Variants in ZNF385D observed in about 807,000 individuals in gnomAD.
ZNF385D encodes the protein zinc finger protein 385D.
ZNF385D carries 15 observed loss-of-function variants against 35.8 expected under a neutral mutation model. That is an observed-to-expected ratio of 0.42 (90% confidence interval 0.28 to 0.64). The LOEUF (loss-of-function observed/expected upper bound fraction) is 0.64. ZNF385D is among the 30% of genes least tolerant of loss of function. The pLI, the probability that ZNF385D is intolerant of heterozygous loss-of-function variation, is 0.23. For synonymous variants in ZNF385D, 212 were observed against 186.8 expected, an observed-to-expected ratio of 1.13 and a Z score of -1.10; for missense variants, 474 against 494.6, an observed-to-expected ratio of 0.96 and a Z score of 0.39.
chr3:22,225,615 G>C (rs1698509577), intron 2 of ZNF385D, among the ~76,000 whole-genome samples: 1 of 152,080 alleles, frequency 6.6e-6, no homozygotes, highest in South Asian at 2.1e-4. Context: ...TGCCCACTGT[G>C]GTAGCTGCAT....
At chr3:21,551,340 A>G (rs938595957) in intron 3 of ZNF385D, among the ~76,000 whole-genome samples, 1 of 152,192 alleles carries the variant, frequency 6.6e-6, no homozygotes, top group African/African-American at 2.4e-5. Context: ...TAATGACCAC[A>G]TGGCCTTGTA....
intron 3 of ZNF385D, among the ~76,000 whole-genome samples, chr3:22,027,130 T>TAC (rs1697609234): frequency 6.6e-6 from 1 of 152,180 alleles, no homozygotes; most frequent in African/African-American, 2.4e-5. Flanking sequence ...CTCAGGGGTG[T>TAC]ATTAGCTCAG....
intron 3 of ZNF385D, among the ~76,000 whole-genome samples, chr3:21,980,982 T>A (rs1231703923): frequency 6.6e-6 from 1 of 152,102 alleles, no homozygotes; most frequent in Non-Finnish European, 1.5e-5. Context: ...AGGCATTTAG[T>A]TTGATTCCAT....
At chr3:22,048,432 G>A (rs1003355540) in intron 3 of ZNF385D, among the ~76,000 whole-genome samples, 39 of 152,118 alleles carry the variant, frequency 2.6e-4, no homozygotes, top group Non-Finnish European at 5.6e-4. Flanking sequence ...TGGGGTGCAA[G>A]ATAAGGATTA....
chr3:21,956,046 G>A (rs547114171), intron 3 of ZNF385D, among the ~76,000 whole-genome samples: 8 of 151,974 alleles, frequency 5.3e-5, no homozygotes, highest in South Asian at 2.1e-4. Flanking sequence ...AATTATCCAC[G>A]TCTAGTGGCA....
At chr3:22,211,328 G>T (rs922589537) in intron 2 of ZNF385D, among the ~76,000 whole-genome samples, 2 of 151,834 alleles carry the variant, frequency 1.3e-5, no homozygotes, top group Non-Finnish European at 2.9e-5. Context: ...TATGTCAGTA[G>T]CCACTTTTCT....
intron 1 of ZNF385D, among the ~76,000 whole-genome samples, chr3:21,675,659 T>A (rs1268164389): frequency 6.6e-6 from 1 of 152,108 alleles, no homozygotes; most frequent in African/African-American, 2.4e-5. Context: ...CAAATCAGTA[T>A]ATACTAAGAG....
chr3:21,923,442 C>G (rs1044880788), intron 3 of ZNF385D, among the ~76,000 whole-genome samples: 2 of 152,204 alleles, frequency 1.3e-5, no homozygotes, highest in African/African-American at 4.8e-5. Flanking sequence ...CTGGGGAAAG[C>G]AGTTTGGAGA....
intron 2 of ZNF385D, among the ~76,000 whole-genome samples, chr3:22,253,410 A>T (rs1240367682): frequency 6.6e-6 from 1 of 152,028 alleles, no homozygotes; most frequent in Non-Finnish European, 1.5e-5. Context: ...TTGAATCTCA[A>T]CTTCAGCAGT....
At chr3:21,763,242 T>A (rs1277236472) in intron 3 of ZNF385D, among the ~76,000 whole-genome samples, 2 of 152,160 alleles carry the variant, frequency 1.3e-5, no homozygotes, top group South Asian at 4.1e-4. Flanking sequence ...CTGTGTACTC[T>A]GTCTGAGTAA....
At chr3:21,588,082 T>A (rs953140253) in intron 2 of ZNF385D, among the ~76,000 whole-genome samples, 7 of 152,146 alleles carry the variant, frequency 4.6e-5, no homozygotes, top group Non-Finnish European at 1.0e-4. Context: ...AAGTTCCTGG[T>A]CTCAATGAGT....
chr3:21,615,916 G>A (rs1166106224), intron 2 of ZNF385D, among the ~76,000 whole-genome samples: 11 of 151,902 alleles, frequency 7.2e-5, no homozygotes, highest in Admixed American at 7.2e-4. Context: ...CAGAATCTGA[G>A]TGGTTTTATT....
chr3:21,806,178 TCTTTC>T (rs1387280008), intron 3 of ZNF385D, among the ~76,000 whole-genome samples: 5 of 152,002 alleles, frequency 3.3e-5, no homozygotes, highest in South Asian at 2.1e-4. Flanking sequence ...CTGCATTCCT[TCTTTC>T]CTTTCTTTTT....
chr3:21,476,649 T>A (rs1187889608), intron 4 of ZNF385D, among the ~76,000 whole-genome samples: 1 of 152,094 alleles, frequency 6.6e-6, no homozygotes, highest in African/African-American at 2.4e-5. Context: ...GAGGTAAGAG[T>A]GGCTCTTCTT....
chr3:21,674,436 G>A lies in ZNF385D; in HGVS notation c.23-9408C>T, dbSNP rs1446418030. Among the ~76,000 whole-genome samples the A allele has an allele frequency of 2.0e-5, 3 of 152,036 alleles. No individual in the cohort carries two copies. The South Asian group carries it at 6.2e-4, about 32-fold the overall frequency. On this transcript the variant is annotated intron_variant, in intron 1 of 7. Transcript: ENST00000281523. ...CATAGAAAGGAACTGATTCAATCCA[G>A]AATATCTAATAAAACTCACTTTTGG...
chr3:22,263,612 C>G (rs975132184), intron 2 of ZNF385D, among the ~76,000 whole-genome samples: 1 of 151,954 alleles, frequency 6.6e-6, no homozygotes, highest in Non-Finnish European at 1.5e-5. Flanking sequence ...CAGTTGCATT[C>G]TCAATGTCTC....
intron 2 of ZNF385D, among the ~76,000 whole-genome samples, chr3:22,176,514 C>T (rs767116901): frequency 6.6e-6 from 1 of 152,136 alleles, no homozygotes; most frequent in African/African-American, 2.4e-5. Context: ...GTTTTTATCA[C>T]ATCACAGCAT....
chr3:22,240,842 G>A (rs1352292702), intron 2 of ZNF385D, among the ~76,000 whole-genome samples: 2 of 150,684 alleles, frequency 1.3e-5, no homozygotes, highest in Admixed American at 6.6e-5. Flanking sequence ...GCCTTCCTTG[G>A]CCCTCCTTAC....
Position 21,417,401 on chromosome 3 carries a change from C to G in ZNF385D, c.*3813G>C, listed in dbSNP as rs1310553382. 2 of 152,080 alleles carry G rather than the reference C, an allele frequency of 1.3e-5. No homozygotes were observed. Among genetic ancestry groups the G allele is most frequent in the East Asian group, 3.9e-4 (2 of 5,190 alleles). The allele number at this position is 152,080 out of a possible 1,614,324, so 9.4% of individuals were successfully genotyped here. A position where few individuals can be genotyped will look rare whatever the true frequency, so the allele number is the denominator to read the frequency against. On this transcript the variant is annotated 3_prime_UTR_variant, in exon 8 of 8. Transcript: ENST00000281523. ...CTCCTCATTGCTTTTCCCACCACTTCATGCGGCTTTTGGGTGAACAAAGTT... is the reference window on the plus strand; with the variant it reads ...CTCCTCATTGCTTTTCCCACCACTTGATGCGGCTTTTGGGTGAACAAAGTT...
Sources: allele counts gnomAD v4.1 joint callset (sites outside exome capture counted in the v4.1 genomes callset), GRCh38; gene constraint gnomAD v4.1.1; transcripts MANE v1.5; gene names NCBI Gene and HGNC (gene_info 2026-07-23, HGNC 2026-07-21).